Variants in RIC1 observed in about 807,000 individuals in gnomAD.
RIC1 encodes the protein RIC1 partner of RAB6A GEF complex.
RIC1 carries 88 observed loss-of-function variants against 169.0 expected under a neutral mutation model. That is an observed-to-expected ratio of 0.52 (90% CI 0.44 to 0.62). The LOEUF (loss-of-function observed/expected upper bound fraction) is 0.62, where lower values mean the gene tolerates loss of function less well. Among genes scored for constraint, RIC1 ranks in the 20% least tolerant of loss-of-function variants. The probability of loss-of-function intolerance (pLI) is 0.00; values close to 1 mark genes in which losing one functional copy is unlikely to be tolerated. For synonymous variants in RIC1, 790 were observed against 601.5 expected (o/e 1.31, Z -4.59); for missense variants, 1,877 against 1,725.5 (o/e 1.09, Z -1.56).
intron 2 of RIC1, among the ~76,000 whole-genome samples, chr9:5,675,027 T>TA (rs1180848678): frequency 6.6e-6 from 1 of 152,212 alleles, no homozygotes; most frequent in Non-Finnish European, 1.5e-5. Flanking sequence ...AGTGTACTTC[T>TA]ATAGAGGGGT....
chr9:5,674,260 T>TA (rs746894024), intron 2 of RIC1, among the ~76,000 whole-genome samples: 57 of 150,084 alleles, frequency 3.8e-4, no homozygotes, highest in African/African-American at 1.2e-3. Flanking sequence ...TTGTCATTCA[T>TA]AAAAAAAAAA....
intron 2 of RIC1, 50 bp downstream of exon 2, chr9:5,656,740 C>A: frequency 2.9e-6 from 3 of 1,037,590 alleles, no homozygotes; most frequent in Admixed American, 2.0e-5. Flanking sequence ...ATCATTACAT[C>A]GCATTTAAAT....
At chr9:5,702,930 C>G (rs990173919) in intron 3 of RIC1, among the ~76,000 whole-genome samples, 1 of 152,196 alleles carries the variant, frequency 6.6e-6, no homozygotes, top group Admixed American at 6.5e-5. Flanking sequence ...CCCTCATGAT[C>G]CAGTCACCTC....
rs1049524076 is a variant in RIC1 at position 5,742,765 on chromosome 9, A to G, written c.902-104A>G. 17 of 1,011,096 alleles carry G rather than the reference A, an allele frequency of 1.7e-5. 1 individual carries two copies. In the Admixed American group the frequency reaches 3.3e-4, roughly 20 times the overall value. 62.6% of individuals were successfully genotyped at this position (1,011,096 alleles called of 1,614,324 possible). On this transcript the variant is annotated intron_variant, in intron 8 of 25. Coordinates refer to ENST00000414202, the MANE Select transcript of RIC1 (RefSeq NM_020829.4). ...TTTTTGGAAGCAGTCATACCTTTCTACTCATTTAGATTTGAAAATACAGAT... is the reference window on the plus strand; with the variant it reads ...TTTTTGGAAGCAGTCATACCTTTCTGCTCATTTAGATTTGAAAATACAGAT...
intron 2 of RIC1, among the ~76,000 whole-genome samples, chr9:5,666,004 TC>T (rs1329738610): frequency 4.6e-5 from 7 of 152,264 alleles, no homozygotes; most frequent in African/African-American, 1.7e-4. Context: ...GTATGGGCTC[TC>T]CAGGACCCAC....
intron 2 of RIC1, among the ~76,000 whole-genome samples, chr9:5,670,800 T>C (rs1820043766): frequency 6.6e-6 from 1 of 152,226 alleles, no homozygotes; most frequent in Admixed American, 6.5e-5. Flanking sequence ...AGTTTTATTA[T>C]TCAAATAAGT....
intron 10 of RIC1, 133 bp from the exon 11 acceptor site, chr9:5,745,798 G>A (rs183729173): frequency 1.1e-5 from 8 of 710,482 alleles, no homozygotes; most frequent in Middle Eastern, 7.0e-4. Context: ...GTGTTATCAC[G>A]GTTTCTCCAA....
At chr9:5,690,084 T>C (rs1821505898) in intron 3 of RIC1, 46 bp downstream of exon 3, 1 of 1,264,094 alleles carries the variant, frequency 7.9e-7, no homozygotes, top group Non-Finnish European at 1.1e-6. Flanking sequence ...TTTGCATACT[T>C]TATATTCAGA....
At position 5,763,307 on chromosome 9, in the gene RIC1, C is replaced by T. The variant is rs1826461917; in HGVS notation, c.2280C>T (p.Pro760=). The part of the protein sequence containing the change: ...LPLFPRDHRK[P]HSFLSQRIML... The stretch of plus-strand genomic sequence containing the variant: ...TCTTCCCTAGGGATCACCGCAAGCC[C>T]CATTCCTTCTTGTCCCAGCGGATCA... The change falls in exon 19 of 26, where the codon CCC becomes CCT. Residue 760 remains proline, a synonymous_variant. Transcript: ENST00000414202. The surrounding 1 kb of genome is among the most constrained non-coding windows in gnomAD (Gnocchi z 5.2). 2.5e-6 allele frequency: 4 copies of T among 1,614,166 alleles called. No homozygotes were observed. Among genetic ancestry groups the T allele is most frequent in the Non-Finnish European group, 3.4e-6 (4 of 1,180,018 alleles).
chr9:5,775,500 C>T lies in RIC1; in HGVS notation c.*1254C>T, dbSNP rs1018930479. The T allele has an allele frequency of 5.9e-5, 9 of 152,044 alleles. No individual in the cohort carries two copies. The highest frequency in any genetic ancestry group is 1.9e-4 in the African/African-American group (8 of 41,394). The allele number at this position is 152,044 out of a possible 1,614,324, so 9.4% of individuals were successfully genotyped here. ...ACAAGGAATGCAATGTTATTTTTTACAAAAAACAAACTTGTTTATTTTTAT... is the reference window on the plus strand; with the variant it reads ...ACAAGGAATGCAATGTTATTTTTTATAAAAAACAAACTTGTTTATTTTTAT... On this transcript the variant is annotated 3_prime_UTR_variant, in exon 26 of 26. Transcript: ENST00000414202.
In RIC1 at chr9:5,754,829, T is replaced by A. The variant is rs760780551; in HGVS notation, c.1603-12T>A. 2 of 1,527,496 alleles carry A rather than the reference T, an allele frequency of 1.3e-6. No individual in the cohort carries two copies. The highest frequency in any genetic ancestry group is 8.9e-7 in the Non-Finnish European group (1 of 1,124,632). The allele number at this position is 1,527,496 out of a possible 1,614,324, so 94.6% of individuals were successfully genotyped here. A position where few individuals can be genotyped will look rare whatever the true frequency, so the allele number is the denominator to read the frequency against. On this transcript the variant is annotated splice_polypyrimidine_tract_variant and intron_variant, in intron 14 of 25. Coordinates refer to ENST00000414202, the MANE Select transcript of RIC1 (RefSeq NM_020829.4). ...GCATAAGGTAAATTTTTTAAAAAAT[T>A]TTTATTTTAAGGAGCAAAATATGAT...
intron 23 of RIC1, among the ~76,000 whole-genome samples, chr9:5,771,697 G>C (rs1827234719): frequency 6.6e-6 from 1 of 152,098 alleles, no homozygotes; most frequent in Non-Finnish European, 1.5e-5. Context: ...TTTTTTGATA[G>C]TAGTCATCCT....
chr9:5,754,560 C>T (rs1351701282), intron 14 of RIC1, among the ~76,000 whole-genome samples: 1 of 152,058 alleles, frequency 6.6e-6, no homozygotes, highest in Admixed American at 6.6e-5. Flanking sequence ...GAAACCCCGT[C>T]CCTACAAAAT....
chr9:5,709,351 G>C (rs1822793452), intron 3 of RIC1, among the ~76,000 whole-genome samples: 1 of 152,120 alleles, frequency 6.6e-6, no homozygotes, highest in African/African-American at 2.4e-5. Context: ...AGAGGTTACT[G>C]TGTTAGTCTC....
At chr9:5,777,961 T>C (rs1453437919), downstream of RIC1, among the ~76,000 whole-genome samples, 9 of 152,306 alleles carry the variant, frequency 5.9e-5, no homozygotes, top group South Asian at 1.0e-3. Context: ...TCCATATGAA[T>C]TGCAGGATCA....
intron 4 of RIC1, among the ~76,000 whole-genome samples, chr9:5,714,557 C>T (rs1823121788): frequency 1.3e-5 from 2 of 152,082 alleles, no homozygotes; most frequent in South Asian, 4.1e-4. Context: ...TTAGTTGTCA[C>T]TTAGTTTAGC....
chr9:5,689,149 C>T (rs555217080), intron 2 of RIC1, among the ~76,000 whole-genome samples: 47 of 146,012 alleles, frequency 3.2e-4, no homozygotes, highest in Admixed American at 5.6e-4. Context: ...TCTGGGTTCA[C>T]GCCATTCTCC....
intron 1 of RIC1, among the ~76,000 whole-genome samples, chr9:5,634,437 G>T (rs983048637): frequency 6.6e-6 from 1 of 152,176 alleles, no homozygotes; most frequent in Non-Finnish European, 1.5e-5. Flanking sequence ...CAGGTGTGAG[G>T]TATCTTATGG....
rs192953051 is a variant in RIC1, at chr9:5,659,104, A to G, written c.252+2414A>G. On this transcript the variant is annotated intron_variant, in intron 2 of 25. Coordinates refer to ENST00000414202, the MANE Select transcript of RIC1 (RefSeq NM_020829.4). Reference sequence around the variant, plus strand: ...TCTCATTAGTGGATGTATATTACCAAAAAAAGTTGTACTTTATGTTAAATG... The same window carrying G: ...TCTCATTAGTGGATGTATATTACCAGAAAAAGTTGTACTTTATGTTAAATG... Among the ~76,000 whole-genome samples the G allele has an allele frequency of 5.6e-4, 85 of 152,204 alleles. 2 individuals are homozygous for G. In the Middle Eastern group the frequency reaches 0.014, roughly 25 times the overall value.
Sources: allele counts gnomAD v4.1 joint callset (sites outside exome capture counted in the v4.1 genomes callset), GRCh38; gene constraint gnomAD v4.1.1; non-coding constraint Gnocchi (gnomAD v3.1); transcripts MANE v1.5; gene names NCBI Gene and HGNC (gene_info 2026-07-23, HGNC 2026-07-21).